The following ERP44 variants were observed in gnomAD, a reference collection of about 807,000 sequenced individuals.
The protein encoded by ERP44 is endoplasmic reticulum resident protein 44.
Under a neutral mutation model 53.4 loss-of-function variants are expected in ERP44, and 25 were observed. That is an observed-to-expected ratio of 0.47 (90% confidence interval 0.34 to 0.65). The LOEUF (loss-of-function observed/expected upper bound fraction) is 0.65. ERP44 is among the 30% of genes least tolerant of loss of function. ERP44 has a pLI of 0.01. For synonymous variants in ERP44, 145 were observed against 161.2 expected, an observed-to-expected ratio of 0.90 and a Z score of 0.76; for missense variants, 338 against 493.2, an observed-to-expected ratio of 0.69 and a Z score of 2.98.
intron 4 of ERP44, 61 bp from the exon 5 acceptor site, chr9:100,022,287 A>G (rs1830600411): frequency 2.2e-6 from 3 of 1,345,192 alleles, no homozygotes; most frequent in Non-Finnish European, 3.0e-6. Flanking sequence ...CTGTTTGCCT[A>G]ATGGTCAAAA....
At chr9:100,004,262 T>C (rs1830405970) in intron 10 of ERP44, among the ~76,000 whole-genome samples, 2 of 152,144 alleles carry the variant, frequency 1.3e-5, no homozygotes, top group Non-Finnish European at 2.9e-5. Context: ...CCATGGAGGC[T>C]GGTCCATCAC....
At chr9:99,989,015 G>A (rs554147919) in intron 10 of ERP44, among the ~76,000 whole-genome samples, 90 of 152,348 alleles carry the variant, frequency 5.9e-4, no homozygotes, top group African/African-American at 2.0e-3. Flanking sequence ...GCTTGACTAG[G>A]TAAACAAAGC....
intron 9 of ERP44, 38 bp downstream of exon 9, chr9:100,007,540 G>A: frequency 4.0e-6 from 4 of 1,006,832 alleles, no homozygotes; most frequent in Non-Finnish European, 6.3e-6. Flanking sequence ...AGAAAAGAGA[G>A]AAAGAAATGA....
Position 100,098,981 on chromosome 9 carries a change from C to A in ERP44, c.-141G>T. 1.6e-6 allele frequency: 1 copy of A among 644,390 alleles called. No individual in the cohort carries two copies. Among genetic ancestry groups the A allele is most frequent in the Non-Finnish European group, 2.7e-6 (1 of 365,586 alleles). The allele number at this position is 644,390 out of a possible 1,614,324, so 39.9% of individuals were successfully genotyped here. A position where few individuals can be genotyped will look rare whatever the true frequency, so the allele number is the denominator to read the frequency against. On this transcript the variant is annotated 5_prime_UTR_variant, in exon 1 of 12. Coordinates refer to ENST00000262455, the MANE Select transcript of ERP44 (RefSeq NM_015051.3). ...GCAGCGGCACCTCGTCCTCTCGACCCGGGCTCCAGCGGCGAACACCCGGGA... is the reference window on the plus strand; with the variant it reads ...GCAGCGGCACCTCGTCCTCTCGACCAGGGCTCCAGCGGCGAACACCCGGGA...
chr9:99,992,347 C>A (rs1453377193), intron 10 of ERP44, among the ~76,000 whole-genome samples: 1 of 152,040 alleles, frequency 6.6e-6, no homozygotes, highest in Non-Finnish European at 1.5e-5. Flanking sequence ...CCCTGGGATG[C>A]AAGGCTGGTT....
intron 4 of ERP44, among the ~76,000 whole-genome samples, chr9:100,030,797 C>T (rs1243686357): frequency 3.3e-5 from 5 of 152,104 alleles, no homozygotes; most frequent in Non-Finnish European, 7.4e-5. Flanking sequence ...GACAAGTGAC[C>T]GCCTGAACTT....
At chr9:100,057,781 G>A in intron 3 of ERP44, 39 bp downstream of exon 3, 1 of 1,537,520 alleles carries the variant, frequency 6.5e-7, no homozygotes, top group Non-Finnish European at 8.9e-7. Flanking sequence ...CCTTTAGCAA[G>A]TAAAAACAAA....
Position 100,081,406 on chromosome 9 carries a change from G to A in ERP44, c.57+17378C>T, listed in dbSNP as rs548424272. Among the ~76,000 whole-genome samples the A allele has an allele frequency of 7.2e-5, 11 of 151,980 alleles. No homozygotes were observed. The South Asian group carries it at 2.3e-3, about 32-fold the overall frequency. On this transcript the variant is annotated intron_variant, in intron 1 of 11. Coordinates refer to ENST00000262455, the MANE Select transcript of ERP44 (RefSeq NM_015051.3). ...GTAATAGTTGTAAACATCTATATGCGAAATAGCACAGCAGCAACATCTGTA... is the reference window on the plus strand; with the variant it reads ...GTAATAGTTGTAAACATCTATATGCAAAATAGCACAGCAGCAACATCTGTA...
intron 1 of ERP44, 60 bp from the exon 2 acceptor site, chr9:100,060,232 G>A (rs1048824022): frequency 2.2e-6 from 3 of 1,348,606 alleles, no homozygotes; most frequent in Admixed American, 7.7e-5. Context: ...ATACGTAAAA[G>A]CGAAGTCTAA....
At chr9:100,053,467 C>A (rs971392248) in intron 3 of ERP44, among the ~76,000 whole-genome samples, 1 of 152,152 alleles carries the variant, frequency 6.6e-6, no homozygotes, top group Non-Finnish European at 1.5e-5. Flanking sequence ...TAGGCGATTT[C>A]TTCATTACGT....
intron 4 of ERP44, among the ~76,000 whole-genome samples, chr9:100,023,508 G>A (rs1030461992): frequency 2.7e-5 from 4 of 149,626 alleles, no homozygotes; most frequent in South Asian, 2.1e-4. Context: ...AGCTCACCAC[G>A]GCCTTAACTT....
chr9:100,020,536 T>G (rs1252068470), intron 6 of ERP44, 80 bp downstream of exon 6: 3 of 724,004 alleles, frequency 4.1e-6, no homozygotes, highest in Admixed American at 2.2e-5. Context: ...AAGATCATCT[T>G]CAGGAAATGA....
At chr9:100,001,800 T>G (rs973860187) in intron 10 of ERP44, among the ~76,000 whole-genome samples, 1 of 152,194 alleles carries the variant, frequency 6.6e-6, no homozygotes, top group Admixed American at 6.5e-5. Flanking sequence ...CTGGAGAATT[T>G]AAGACATTTA....
intron 1 of ERP44, among the ~76,000 whole-genome samples, chr9:100,082,424 A>G (rs928535248): frequency 6.6e-6 from 1 of 151,752 alleles, no homozygotes; most frequent in Non-Finnish European, 1.5e-5. Flanking sequence ...AAGGAACTGA[A>G]GATAAAGTCC....
chr9:99,994,452 T>A (rs1405343424), intron 10 of ERP44, among the ~76,000 whole-genome samples: 2 of 151,918 alleles, frequency 1.3e-5, no homozygotes, highest in Non-Finnish European at 1.5e-5. Context: ...AAATGAACAA[T>A]GACAACACTT....
intron 1 of ERP44, among the ~76,000 whole-genome samples, chr9:100,062,516 T>C (rs982461433): frequency 3.3e-5 from 5 of 152,290 alleles, no homozygotes; most frequent in Non-Finnish European, 7.4e-5. Context: ...AACAATGAAG[T>C]TGGCATTATT....
At chr9:99,985,515 G>A (rs565517355) in intron 10 of ERP44, among the ~76,000 whole-genome samples, 71 of 152,226 alleles carry the variant, frequency 4.7e-4, no homozygotes, top group African/African-American at 1.5e-3. Context: ...GCACTACTGC[G>A]AACCTATAAC....
intron 10 of ERP44, among the ~76,000 whole-genome samples, chr9:99,992,003 T>A (rs1428003110): frequency 1.3e-5 from 2 of 151,882 alleles, no homozygotes; most frequent in Non-Finnish European, 2.9e-5. Flanking sequence ...AATAACAGGC[T>A]CTGAAATTGA....
At chr9:100,036,637 A>G (rs1053538707) in intron 4 of ERP44, among the ~76,000 whole-genome samples, 1 of 152,158 alleles carries the variant, frequency 6.6e-6, no homozygotes, top group African/African-American at 2.4e-5. Flanking sequence ...ATATACCCCC[A>G]TGTACCCCCG....
Sources: gnomAD v4.1 joint callset for allele counts (sites outside exome capture counted in the v4.1 genomes callset) on GRCh38, gnomAD v4.1.1 for gene constraint, MANE v1.5 for transcripts, NCBI Gene and HGNC (gene_info 2026-07-23, HGNC 2026-07-21) for gene names.